Variants in PACRG observed in about 807,000 individuals in gnomAD.
PACRG encodes parkin coregulated gene protein.
Under a neutral mutation model 29.7 loss-of-function variants are expected in PACRG, and 29 were observed. The observed-to-expected ratio is 0.98, with a 90% confidence interval of 0.73 to 1.33. The LOEUF (loss-of-function observed/expected upper bound fraction) is 1.33, where lower values mean the gene tolerates loss of function less well. Ranked by LOEUF, PACRG falls within the 40% of genes most tolerant of loss-of-function variation. PACRG has a pLI of 0.00. For synonymous variants in PACRG, 116 were observed against 118.7 expected (o/e 0.98, Z 0.15); for missense variants, 279 against 316.2 (o/e 0.88, Z 0.89).
intron 1 of PACRG, among the ~76,000 whole-genome samples, chr6:162,738,041 A>G (rs944987984): frequency 2.0e-5 from 3 of 152,178 alleles, no homozygotes; most frequent in Non-Finnish European, 2.9e-5. Context: ...TTAATAAACA[A>G]TATTTTTAAT....
intron 4 of PACRG, among the ~76,000 whole-genome samples, chr6:163,177,822 C>T (rs1472833221): frequency 2.1e-5 from 3 of 144,000 alleles, no homozygotes; most frequent in East Asian, 4.2e-4. Flanking sequence ...ATTCCAAGCA[C>T]GTCCAAACAG....
chr6:162,924,536 C>T (rs1797291261), intron 2 of PACRG, among the ~76,000 whole-genome samples: 1 of 151,910 alleles, frequency 6.6e-6, no homozygotes. Flanking sequence ...CACATATAGC[C>T]TTTATTGTGC....
At chr6:162,965,175 G>C (rs1037103318) in intron 2 of PACRG, among the ~76,000 whole-genome samples, 2 of 152,132 alleles carry the variant, frequency 1.3e-5, no homozygotes, top group African/African-American at 4.8e-5. Flanking sequence ...TAAAGCAGGA[G>C]TATAATATGA....
intron 4 of PACRG, among the ~76,000 whole-genome samples, chr6:163,223,153 G>C (rs1427367769): frequency 1.3e-5 from 2 of 152,124 alleles, no homozygotes; most frequent in Non-Finnish European, 1.5e-5. Flanking sequence ...CAGTACTTTG[G>C]GGGGCCGAGG....
At chr6:162,999,186 C>T (rs956981903) in intron 2 of PACRG, among the ~76,000 whole-genome samples, 2 of 152,114 alleles carry the variant, frequency 1.3e-5, no homozygotes, top group African/African-American at 2.4e-5. Context: ...CAGAAATAAA[C>T]ATAAATAAGA....
chr6:163,312,540 C>T (rs1785465367), intron 4 of PACRG, among the ~76,000 whole-genome samples: 1 of 152,136 alleles, frequency 6.6e-6, no homozygotes, highest in African/African-American at 2.4e-5. Flanking sequence ...GGCTTCATCT[C>T]CCCCGTGCAG....
intron 4 of PACRG, chr6:163,310,787 T>C (rs1785383612): frequency 6.6e-6 from 1 of 152,264 alleles, no homozygotes. Flanking sequence ...CTGGTCCGTG[T>C]CCACGGAGTG....
At chr6:163,287,287 T>G (rs1784435027) in intron 4 of PACRG, among the ~76,000 whole-genome samples, 1 of 152,158 alleles carries the variant, frequency 6.6e-6, no homozygotes, top group Non-Finnish European at 1.5e-5. Context: ...TGCCTTTCAC[T>G]TTGCAAAATC....
At chr6:162,936,839 A>G (rs1346089024) in intron 2 of PACRG, among the ~76,000 whole-genome samples, 2 of 151,900 alleles carry the variant, frequency 1.3e-5, no homozygotes, top group African/African-American at 4.8e-5. Context: ...AGACCCATTT[A>G]CTTTCATGGT....
chr6:162,911,210 C>T (rs912928580), intron 2 of PACRG, among the ~76,000 whole-genome samples: 1 of 152,214 alleles, frequency 6.6e-6, no homozygotes, highest in Non-Finnish European at 1.5e-5. Flanking sequence ...GCATGAAGCA[C>T]AGCTGCATTA....
At chr6:162,900,453 G>A (rs1795481551) in intron 2 of PACRG, among the ~76,000 whole-genome samples, 1 of 152,182 alleles carries the variant, frequency 6.6e-6, no homozygotes, top group South Asian at 2.1e-4. Flanking sequence ...CAATGAGAAT[G>A]TATGGGTCTA....
intron 4 of PACRG, among the ~76,000 whole-genome samples, chr6:163,265,284 G>GC (rs1294557392): frequency 2.8e-4 from 43 of 152,206 alleles, no homozygotes; most frequent in African/African-American, 1.0e-3. Context: ...CTGTGTGCAG[G>GC]CCCCTTCTGG....
chr6:163,060,888 C>T (rs879522840), intron 2 of PACRG: 3 of 151,846 alleles, frequency 2.0e-5, no homozygotes, highest in South Asian at 2.1e-4. Flanking sequence ...TTACAATTTT[C>T]GGTTACAAAA....
At chr6:162,800,219 T>C (rs1785742213) in intron 1 of PACRG, among the ~76,000 whole-genome samples, 1 of 152,244 alleles carries the variant, frequency 6.6e-6, no homozygotes, top group African/African-American at 2.4e-5. Context: ...TTAAGTAAAC[T>C]TTTTAGCCTT....
At chr6:162,763,249 C>T (rs1392481053) in intron 1 of PACRG, among the ~76,000 whole-genome samples, 2 of 152,136 alleles carry the variant, frequency 1.3e-5, no homozygotes, top group East Asian at 1.9e-4. Flanking sequence ...TGAGATGTTT[C>T]CTCAGGGATT....
Position 162,787,582 on chromosome 6 carries a change from GTATATATATA to G in PACRG, c.157-26535_157-26526del, listed in dbSNP as rs869254835. 1.6e-3 allele frequency among the ~76,000 whole-genome samples: 97 copies of G among 62,410 alleles called. 2 individuals are homozygous for G. The highest frequency in any genetic ancestry group is 0.013 in the East Asian group (11 of 874). 40.9% of individuals were successfully genotyped at this position (62,410 alleles called of 152,430 possible). On this transcript the variant is annotated intron_variant, in intron 1 of 4. Transcript: ENST00000366888. Reference sequence around the variant, plus strand: ...ATTGTGTGTGTGTGTGTGTGTGTGTGTATATATATATATATATATATATATATATATATAT... The same window carrying G: ...ATTGTGTGTGTGTGTGTGTGTGTGTGTATATATATATATATATATATATAT...
At chr6:163,113,270 G>C (rs972525423) in intron 4 of PACRG, among the ~76,000 whole-genome samples, 5 of 152,228 alleles carry the variant, frequency 3.3e-5, no homozygotes, top group African/African-American at 1.2e-4. Flanking sequence ...ACATCATAAA[G>C]TGGACCAGCA....
chr6:162,736,980 A>G (rs948871427), intron 1 of PACRG, among the ~76,000 whole-genome samples: 1 of 152,166 alleles, frequency 6.6e-6, no homozygotes, highest in Non-Finnish European at 1.5e-5. Context: ...GTGTATACAT[A>G]GGGTTGAAAT....
chr6:162,983,586 G>A (rs58260931), intron 2 of PACRG, among the ~76,000 whole-genome samples: 9,004 of 151,932 alleles, frequency 0.059, 655 homozygotes, highest in African/African-American at 0.17. Flanking sequence ...TGCTGGATAC[G>A]ATATTCTTGG....
Sources: allele counts gnomAD v4.1 joint callset (sites outside exome capture counted in the v4.1 genomes callset), GRCh38; gene constraint gnomAD v4.1.1; transcripts MANE v1.5; gene names NCBI Gene and HGNC (gene_info 2026-07-23, HGNC 2026-07-21).